SCAI: variants seen among roughly 807,000 people sequenced by gnomAD.
The protein encoded by SCAI is suppressor of cancer cell invasion, also known as protein SCAI.
Under a neutral mutation model 92.2 loss-of-function variants are expected in SCAI, and 24 were observed. The ratio of observed to expected loss-of-function variants is 0.26; its 90% CI spans 0.19 to 0.37. The LOEUF (loss-of-function observed/expected upper bound fraction) is 0.37. SCAI is among the 10% of genes least tolerant of loss of function. The probability of loss-of-function intolerance (pLI) is 1.00; values close to 1 mark genes in which losing one functional copy is unlikely to be tolerated. For missense variants in SCAI, 450 were observed against 736.2 expected (o/e 0.61, Z 4.50); for synonymous variants, 261 against 258.6 (o/e 1.01, Z -0.09).
intron 2 of SCAI, chr9:125,065,915 C>A: frequency 1.4e-6 from 1 of 700,354 alleles, no homozygotes; most frequent in Admixed American, 2.5e-5. Flanking sequence ...ACCAACTCAG[C>A]AAACTAGGAA....
At chr9:125,035,238 C>T (rs991129380) in intron 3 of SCAI, among the ~76,000 whole-genome samples, 1 of 152,022 alleles carries the variant, frequency 6.6e-6, no homozygotes, top group African/African-American at 2.4e-5. Context: ...CACCTGTGGT[C>T]CCAGCTACTC....
At chr9:125,073,937 C>T (rs1176689467) in intron 2 of SCAI, among the ~76,000 whole-genome samples, 1 of 151,404 alleles carries the variant, frequency 6.6e-6, no homozygotes, top group East Asian at 2.0e-4. Flanking sequence ...TAAGCACTCT[C>T]GTTCTCCTTT....
intron 15 of SCAI, chr9:124,974,309 G>A (rs1347751325): frequency 9.4e-6 from 4 of 425,942 alleles, no homozygotes; most frequent in South Asian, 5.2e-5. Context: ...TTAGCTGGGT[G>A]TGGTAGTGTA....
rs1032106029 is a variant in SCAI at position 124,944,452 on chromosome 9, A to G, written c.*8355T>C. 2 of 124,990 alleles carry G rather than the reference A, an allele frequency of 1.6e-5. No individual in the cohort carries two copies. Among genetic ancestry groups the G allele is most frequent in the Admixed American group, 1.7e-4 (2 of 11,754 alleles). 7.7% of individuals were successfully genotyped at this position (124,990 alleles called of 1,614,324 possible). On this transcript the variant is annotated 3_prime_UTR_variant, in exon 18 of 18. Coordinates refer to ENST00000336505, the MANE Select transcript of SCAI (RefSeq NM_001144877.3). ...GTAGCTGGGATTACAGGCGCACACC[A>G]CCATGCCTGGCTAATTTTTTTTTTT...
chr9:125,041,907 T>C (rs1833323870), intron 3 of SCAI, among the ~76,000 whole-genome samples: 2 of 152,162 alleles, frequency 1.3e-5, no homozygotes, highest in Non-Finnish European at 1.5e-5. Context: ...TAATGAGACA[T>C]ATCACAGAAG....
intron 2 of SCAI, among the ~76,000 whole-genome samples, chr9:125,057,678 G>A (rs1833696697): frequency 1.3e-5 from 2 of 152,202 alleles, no homozygotes; most frequent in Non-Finnish European, 2.9e-5. Flanking sequence ...GAGTGTGGAG[G>A]AGGAGGAGGG....
intron 9 of SCAI, among the ~76,000 whole-genome samples, chr9:125,010,441 T>C (rs547754154): frequency 1.3e-5 from 2 of 152,242 alleles, no homozygotes; most frequent in African/African-American, 4.8e-5. Context: ...AGCACAGCAG[T>C]CTGAGATCAA....
At chr9:125,098,335 G>A (rs1417854752) in intron 2 of SCAI, among the ~76,000 whole-genome samples, 1 of 152,078 alleles carries the variant, frequency 6.6e-6, no homozygotes, top group Non-Finnish European at 1.5e-5. Context: ...GGGATTACAG[G>A]TGTGAGCCAT....
At chr9:125,010,182 G>A (rs1232940696) in intron 9 of SCAI, among the ~76,000 whole-genome samples, 1 of 152,260 alleles carries the variant, frequency 6.6e-6, no homozygotes, top group African/African-American at 2.4e-5. Context: ...AGTGGGCGCA[G>A]GACAGTGGGT....
At chr9:125,028,982 G>A (rs1356786467) in intron 4 of SCAI, among the ~76,000 whole-genome samples, 1 of 152,052 alleles carries the variant, frequency 6.6e-6, no homozygotes, top group Non-Finnish European at 1.5e-5. Flanking sequence ...ATTTTTAGTA[G>A]AGACAGGGTT....
chr9:124,986,993 C>T (rs981099924), intron 14 of SCAI, among the ~76,000 whole-genome samples: 1 of 152,184 alleles, frequency 6.6e-6, no homozygotes, highest in Admixed American at 6.5e-5. Flanking sequence ...GGATTTTCTT[C>T]TTCCAGGGGA....
chr9:125,137,235 C>A (rs1426196261), intron 2 of SCAI, among the ~76,000 whole-genome samples: 1 of 152,158 alleles, frequency 6.6e-6, no homozygotes, highest in Admixed American at 6.6e-5. Flanking sequence ...GTTGTCCATT[C>A]AGGTCAAAAT....
chr9:125,002,351 C>G (rs1194323531), intron 11 of SCAI, among the ~76,000 whole-genome samples: 1 of 152,128 alleles, frequency 6.6e-6, no homozygotes, highest in African/African-American at 2.4e-5. Context: ...AAGACAAAGT[C>G]CCTTCTGTGG....
At chr9:125,040,498 G>T (rs1564389540) in intron 3 of SCAI, among the ~76,000 whole-genome samples, 1 of 152,068 alleles carries the variant, frequency 6.6e-6, no homozygotes. Flanking sequence ...AATATATCGG[G>T]TTTCTTTAAT....
rs192212392 is a variant in SCAI, at chr9:125,071,891, G to T, written c.99-15884C>A. 2.9e-3 allele frequency among the ~76,000 whole-genome samples: 449 copies of T among 152,286 alleles called. 3 individuals are homozygous for T. The highest frequency in any genetic ancestry group is 5.1e-3 in the Admixed American group (78 of 15,290). ...ATACTTATTGAGGAAACTAAGTTCTGATTAGCATGACGTGTTCAGGGCAAA... is the reference window on the plus strand; with the variant it reads ...ATACTTATTGAGGAAACTAAGTTCTTATTAGCATGACGTGTTCAGGGCAAA... On this transcript the variant is annotated intron_variant, in intron 2 of 17. Transcript: ENST00000336505.
In SCAI at chr9:124,952,906, T is replaced by C. The variant is rs776137850; in HGVS notation, c.1722A>G (p.Glu574=). 1.2e-6 allele frequency: 2 copies of C among 1,613,694 alleles called. No homozygotes were observed. ...TCTGGAGATGAGGATTCTCCACTGTTTCATCCCTTGGCAGTTGTGGATATG... is the reference window on the plus strand; with the variant it reads ...TCTGGAGATGAGGATTCTCCACTGTCTCATCCCTTGGCAGTTGTGGATATG... ...PESYPQLPRD[E]TVENPHLQKH... is the part of the protein sequence containing the mutation. The change falls in exon 18 of 18, where the codon GAA becomes GAG. Residue 574 remains glutamate (E), a synonymous_variant. Transcript: ENST00000336505.
At chr9:125,066,610 C>T (rs997824419) in intron 2 of SCAI, among the ~76,000 whole-genome samples, 15 of 151,984 alleles carry the variant, frequency 9.9e-5, no homozygotes, top group African/African-American at 3.4e-4. Flanking sequence ...TGCCTGCCAC[C>T]GCGCCCGGCT....
chr9:125,104,222 C>T (rs1003356081), intron 2 of SCAI, among the ~76,000 whole-genome samples: 3 of 152,148 alleles, frequency 2.0e-5, no homozygotes, highest in South Asian at 2.1e-4. Context: ...GAGCTGACAT[C>T]GTAACAATTC....
At chr9:125,139,429 A>C (rs1204502201) in intron 2 of SCAI, among the ~76,000 whole-genome samples, 1 of 151,654 alleles carries the variant, frequency 6.6e-6, no homozygotes, top group South Asian at 2.1e-4. Context: ...ACAACAACAA[A>C]AACAACAAAA....
Sources: gnomAD v4.1 joint callset for allele counts (sites outside exome capture counted in the v4.1 genomes callset) on GRCh38, gnomAD v4.1.1 for gene constraint, MANE v1.5 for transcripts, NCBI Gene and HGNC (gene_info 2026-07-23, HGNC 2026-07-21) for gene names.